CACNA2D1: variants seen among roughly 807,000 people sequenced by gnomAD.
The protein encoded by CACNA2D1 is calcium voltage-gated channel auxiliary subunit alpha2delta 1.
In CACNA2D1, 53 loss-of-function variants were observed where a neutral mutation model predicts 171.5. The ratio of observed to expected loss-of-function variants is 0.31; its 90% CI spans 0.25 to 0.39. The LOEUF is 0.39. Among genes scored for constraint, CACNA2D1 ranks in the 10% least tolerant of loss-of-function variants. The pLI is 1.00. For synonymous variants in CACNA2D1, 442 were observed against 443.1 expected, an observed-to-expected ratio of 1.00 and a Z score of 0.03; for missense variants, 903 against 1,299.8, an observed-to-expected ratio of 0.69 and a Z score of 4.69.
At chr7:82,270,553 T>C (rs1298343485) in intron 3 of CACNA2D1, among the ~76,000 whole-genome samples, 1 of 152,182 alleles carries the variant, frequency 6.6e-6, no homozygotes, top group Non-Finnish European at 1.5e-5. Context: ...TGTGTATCTG[T>C]TGGGAGACAT....
chr7:82,323,159 G>A (rs1357948450), intron 3 of CACNA2D1, among the ~76,000 whole-genome samples: 1 of 151,864 alleles, frequency 6.6e-6, no homozygotes, highest in Admixed American at 6.6e-5. Context: ...TAAAGAGGTT[G>A]GCCTTGGATC....
chr7:82,354,901 C>T (rs1444897174), intron 1 of CACNA2D1, among the ~76,000 whole-genome samples: 1 of 152,094 alleles, frequency 6.6e-6, no homozygotes, highest in African/African-American at 2.4e-5. Flanking sequence ...TCTAAATTAA[C>T]AAGGACTACT....
At chr7:82,239,643 T>C (rs1804016167) in intron 3 of CACNA2D1, among the ~76,000 whole-genome samples, 2 of 152,194 alleles carry the variant, frequency 1.3e-5, no homozygotes, top group South Asian at 4.1e-4. Flanking sequence ...TCAAAGCCCC[T>C]ATCATTAAAG....
chr7:82,271,629 GA>G (rs1281202883), intron 3 of CACNA2D1, among the ~76,000 whole-genome samples: 1 of 151,924 alleles, frequency 6.6e-6, no homozygotes, highest in East Asian at 1.9e-4. Flanking sequence ...TTTTGTGTGT[GA>G]AAAATAGTAC....
rs1789308736 is a variant in CACNA2D1 at position 82,118,249 on chromosome 7, A to G, written c.397-1076T>C. 2.0e-5 allele frequency among the ~76,000 whole-genome samples: 3 copies of G among 152,168 alleles called. 1 individual carries two copies. In the South Asian group the frequency reaches 6.2e-4, roughly 32 times the overall value. ...AATTACCTGGTTGCCTTCCCCTGGTAACAAACTAAGAATTTCATTCATTTA... is the reference window on the plus strand; with the variant it reads ...AATTACCTGGTTGCCTTCCCCTGGTGACAAACTAAGAATTTCATTCATTTA... On this transcript the variant is annotated intron_variant, in intron 5 of 38. Coordinates refer to ENST00000356860, the MANE Select transcript of CACNA2D1 (RefSeq NM_000722.4).
chr7:82,422,721 T>C (rs1828820419), intron 1 of CACNA2D1, among the ~76,000 whole-genome samples: 1 of 152,092 alleles, frequency 6.6e-6, no homozygotes, highest in Admixed American at 6.6e-5. Flanking sequence ...AAGGACTGCA[T>C]GGAAAGGCAT....
At chr7:82,319,239 T>TA (rs1815508281) in intron 3 of CACNA2D1, among the ~76,000 whole-genome samples, 1 of 152,214 alleles carries the variant, frequency 6.6e-6, no homozygotes, top group African/African-American at 2.4e-5. Flanking sequence ...TAGAACATTT[T>TA]AATATTTAAA....
chr7:82,443,523 C>G lies in CACNA2D1; in HGVS notation c.-64G>C. 6.3e-7 allele frequency: 1 copy of G among 1,575,504 alleles called. No individual in the cohort carries two copies. Among genetic ancestry groups the G allele is most frequent in the Non-Finnish European group, 8.6e-7 (1 of 1,161,524 alleles). ...CGGGGGAAGGAGCGGCGCTGGAAACCGCGGGCGGAGGAAGAGCAGCACACG... is the reference window on the plus strand; with the variant it reads ...CGGGGGAAGGAGCGGCGCTGGAAACGGCGGGCGGAGGAAGAGCAGCACACG... On this transcript the variant is annotated 5_prime_UTR_variant, in exon 1 of 39. Transcript: ENST00000356860.
At chr7:81,968,856 TTG>T (rs760766388) in intron 29 of CACNA2D1, 29 bp downstream of exon 29, 4 of 1,095,512 alleles carry the variant, frequency 3.7e-6, no homozygotes, top group African/African-American at 1.5e-5. Context: ...TTAATTTTGA[TTG>T]TGTTTTTGTA....
intron 3 of CACNA2D1, among the ~76,000 whole-genome samples, chr7:82,306,181 C>G (rs1013988397): frequency 6.6e-6 from 1 of 152,082 alleles, no homozygotes; most frequent in Non-Finnish European, 1.5e-5. Context: ...CCCTGAGAGT[C>G]TACCTTGTCA....
At chr7:81,979,409 A>G (rs1301558420) in intron 24 of CACNA2D1, among the ~76,000 whole-genome samples, 1 of 152,156 alleles carries the variant, frequency 6.6e-6, no homozygotes, top group Non-Finnish European at 1.5e-5. Context: ...TAGAATTGAG[A>G]GATATATCTA....
chr7:81,960,349 C>T (rs560591083), intron 36 of CACNA2D1, among the ~76,000 whole-genome samples: 8 of 152,124 alleles, frequency 5.3e-5, no homozygotes, highest in African/African-American at 1.9e-4. Flanking sequence ...GTATTGGGCA[C>T]TTAAAATGTG....
intron 20 of CACNA2D1, among the ~76,000 whole-genome samples, chr7:81,992,001 A>ATTT (rs11365736): frequency 1.8e-4 from 25 of 138,864 alleles, no homozygotes; most frequent in African/African-American, 6.2e-4. Context: ...CGCCTGGCTC[A>ATTT]TTTTTTTTTT....
intron 20 of CACNA2D1, among the ~76,000 whole-genome samples, chr7:81,994,573 A>G (rs1797855755): frequency 6.6e-6 from 1 of 152,084 alleles, no homozygotes; most frequent in Non-Finnish European, 1.5e-5. Context: ...TGTGTATTCT[A>G]TTTCTCATAA....
intron 6 of CACNA2D1, among the ~76,000 whole-genome samples, chr7:82,111,311 T>TATAC (rs1180673374): frequency 1.6e-4 from 16 of 100,358 alleles, no homozygotes; most frequent in East Asian, 7.9e-4. Context: ...TATATATATA[T>TATAC]ATACGTGTAT....
chr7:81,970,715 C>G lies in CACNA2D1; in HGVS notation c.2164G>C (p.Val722Leu). 1 of 1,594,988 alleles carries G rather than the reference C, an allele frequency of 6.3e-7. No homozygotes were observed. The highest frequency in any genetic ancestry group is 1.1e-5 in the South Asian group (1 of 90,710). ...CTGGTAATCCCACCATCAGTCACAA[C>G]AAATCGTGCTTTCACTCCCTTGCTG... Reference protein sequence around the residue: ...KNIKGVKARFVVTDGGITRVY... With the variant: ...KNIKGVKARFLVTDGGITRVY... Residue 722 changes from valine (V) to leucine (L), a missense_variant, in exon 27 of 39, where the codon GTT (valine) becomes CTT (leucine). By Grantham distance (32) the Val-to-Leu change is conservative (BLOSUM62 1). Transcript: ENST00000356860.
intron 3 of CACNA2D1, among the ~76,000 whole-genome samples, chr7:82,176,682 TA>T (rs1796568574): frequency 6.6e-6 from 1 of 151,632 alleles, no homozygotes. Context: ...ATACCCTGAC[TA>T]GGGGGAAAAG....
At chr7:82,001,716 C>G (rs1798622208) in intron 18 of CACNA2D1, 1 of 1,216,778 alleles carries the variant, frequency 8.2e-7, no homozygotes, top group Admixed American at 2.2e-5. Flanking sequence ...CACCAATAGG[C>G]TGAAGCAACA....
chr7:82,111,781 T>A (rs192342989), intron 6 of CACNA2D1, among the ~76,000 whole-genome samples: 52 of 152,122 alleles, frequency 3.4e-4, no homozygotes, highest in African/African-American at 1.3e-3. Flanking sequence ...ATAGTAACAG[T>A]TTTTATCAAG....
Sources: gnomAD v4.1 joint callset for allele counts (sites outside exome capture counted in the v4.1 genomes callset) on GRCh38, gnomAD v4.1.1 for gene constraint, MANE v1.5 for transcripts, NCBI Gene and HGNC (gene_info 2026-07-23, HGNC 2026-07-21) for gene names.